ALCAM: variants seen among roughly 807,000 people sequenced by gnomAD.
ALCAM encodes the protein activated leukocyte cell adhesion molecule, also known as CD166 antigen.
ALCAM carries 30 observed loss-of-function variants against 70.9 expected under a neutral mutation model. That is an observed-to-expected ratio of 0.42 (90% CI 0.32 to 0.57). ALCAM has a LOEUF of 0.57. Ranked by LOEUF, ALCAM falls within the 20% of genes least tolerant of loss-of-function variation. ALCAM has a pLI of 0.11. For missense variants in ALCAM, 591 were observed against 695.1 expected (o/e 0.85, Z 1.68); for synonymous variants, 249 against 242.5 (o/e 1.03, Z -0.25).
At chr3:105,388,522 G>A (rs114795502) in intron 1 of ALCAM, among the ~76,000 whole-genome samples, 600 of 151,638 alleles carry the variant, frequency 4.0e-3, no homozygotes, top group African/African-American at 0.014. Flanking sequence ...ACTTAGTTTA[G>A]TATAAAAGGA....
At chr3:105,474,665 T>C (rs1325830645) in intron 1 of ALCAM, among the ~76,000 whole-genome samples, 1 of 151,638 alleles carries the variant, frequency 6.6e-6, no homozygotes, top group Admixed American at 6.6e-5. Context: ...TCAAGGGCAA[T>C]CTCTTTTTTT....
At chr3:105,428,350 C>T (rs984233368) in intron 1 of ALCAM, among the ~76,000 whole-genome samples, 2 of 151,946 alleles carry the variant, frequency 1.3e-5, no homozygotes, top group Non-Finnish European at 2.9e-5. Context: ...CTTTAATTTT[C>T]ACCCTTATAG....
intron 3 of ALCAM, among the ~76,000 whole-genome samples, chr3:105,528,952 T>G (rs905115587): frequency 6.6e-6 from 1 of 152,190 alleles, no homozygotes; most frequent in African/African-American, 2.4e-5. Flanking sequence ...TGGCACATAC[T>G]ACATGTTGCC....
chr3:105,370,359 A>C (rs1935195882), intron 1 of ALCAM, among the ~76,000 whole-genome samples: 1 of 152,174 alleles, frequency 6.6e-6, no homozygotes, highest in Admixed American at 6.5e-5. Context: ...TTAATGGAGC[A>C]TTATTTGCAG....
At chr3:105,515,077 A>G (rs1939345897) in intron 1 of ALCAM, among the ~76,000 whole-genome samples, 1 of 151,990 alleles carries the variant, frequency 6.6e-6, no homozygotes, top group Non-Finnish European at 1.5e-5. Context: ...GCACAAATGC[A>G]CACACAGAGA....
intron 1 of ALCAM, among the ~76,000 whole-genome samples, chr3:105,488,125 CT>C (rs754267658): frequency 3.3e-5 from 5 of 152,130 alleles, no homozygotes; most frequent in Non-Finnish European, 7.4e-5. Flanking sequence ...TTTCCCAACC[CT>C]TGTTTTCCTG....
chr3:105,494,836 T>C (rs1362960080), intron 1 of ALCAM, among the ~76,000 whole-genome samples: 1 of 152,102 alleles, frequency 6.6e-6, no homozygotes, highest in Non-Finnish European at 1.5e-5. Context: ...ATCTTTTCGT[T>C]TTTTTGTAGA....
intron 6 of ALCAM, among the ~76,000 whole-genome samples, chr3:105,539,445 C>T (rs1004961677): frequency 1.3e-5 from 2 of 152,032 alleles, no homozygotes. Flanking sequence ...TCCCTCAGTT[C>T]ATAGGATTCA....
chr3:105,440,314 A>G (rs1490528238), intron 1 of ALCAM, among the ~76,000 whole-genome samples: 1 of 152,230 alleles, frequency 6.6e-6, no homozygotes, highest in Non-Finnish European at 1.5e-5. Context: ...TAACAAAGAA[A>G]GCATTGGTTG....
chr3:105,427,590 C>T (rs936519594), intron 1 of ALCAM, among the ~76,000 whole-genome samples: 1 of 151,820 alleles, frequency 6.6e-6, no homozygotes, highest in Non-Finnish European at 1.5e-5. Context: ...CTACCCACCC[C>T]CTCCCCTCAT....
At position 105,520,123 on chromosome 3, in the gene ALCAM, C is replaced by T; in HGVS notation, c.130C>T (p.Arg44Ter). Reference protein sequence around the residue: ...AYGDTIIIPCRLDVPQNLMFG... With the variant: ...AYGDTIIIPC ...TGGAGATACCATTATCATACCTTGC[C>T]GACTTGACGTACCTCAGAATCTCAT... The change falls in exon 2 of 16, where the codon CGA becomes TGA. Residue 44 changes from arginine to a stop codon, truncating the protein, a stop_gained. Transcript: ENST00000306107. LOFTEE classifies it high-confidence loss of function. 1.2e-6 allele frequency: 2 copies of T among 1,612,962 alleles called. No homozygotes were observed. Among genetic ancestry groups the T allele is most frequent in the Non-Finnish European group, 1.7e-6 (2 of 1,179,428 alleles).
rs1272105774 is a variant in ALCAM, at chr3:105,547,447, T to C, written c.1298T>C (p.Ile433Thr). ...GATCCCAGTGGACTATCTAAAACAATAATCTGCCATGTGGAAGGTTTTCCA... is the reference window on the plus strand; with the variant it reads ...GATCCCAGTGGACTATCTAAAACAACAATCTGCCATGTGGAAGGTTTTCCA... Reference protein sequence around the residue: ...KTDPSGLSKTIICHVEGFPKP... With the variant: ...KTDPSGLSKTTICHVEGFPKP... The change falls in exon 11 of 16, where the codon ATA becomes ACA. Residue 433 changes from isoleucine (I) to threonine (T), a missense_variant. Physicochemically the swap from Ile to Thr is moderately conservative, Grantham distance 89. Coordinates refer to ENST00000306107, the MANE Select transcript of ALCAM (RefSeq NM_001627.4). 1 of 1,610,626 alleles carries C rather than the reference T, an allele frequency of 6.2e-7. No individual in the cohort carries two copies. Among genetic ancestry groups the C allele is most frequent in the Non-Finnish European group, 8.5e-7 (1 of 1,177,752 alleles).
At chr3:105,387,351 C>A (rs868265455) in intron 1 of ALCAM, among the ~76,000 whole-genome samples, 18 of 151,152 alleles carry the variant, frequency 1.2e-4, no homozygotes, top group African/African-American at 4.1e-4. Flanking sequence ...TTTACTTTGC[C>A]TTCTGGAAAT....
At chr3:105,478,325 T>C (rs1436835174) in intron 1 of ALCAM, among the ~76,000 whole-genome samples, 1 of 152,142 alleles carries the variant, frequency 6.6e-6, no homozygotes, top group Middle Eastern at 3.2e-3. Flanking sequence ...TTCATGCATA[T>C]ATGATTTGAG....
chr3:105,515,684 A>G (rs1939363369), intron 1 of ALCAM, among the ~76,000 whole-genome samples: 1 of 151,958 alleles, frequency 6.6e-6, no homozygotes. Context: ...ACAGCAAAGC[A>G]CTCTCACGAT....
intron 7 of ALCAM, among the ~76,000 whole-genome samples, chr3:105,540,721 C>T (rs887635592): frequency 6.6e-6 from 1 of 151,982 alleles, no homozygotes; most frequent in South Asian, 2.1e-4. Flanking sequence ...TGTTTGCTCT[C>T]GCATATCTTT....
intron 14 of ALCAM, among the ~76,000 whole-genome samples, chr3:105,568,063 ATT>A (rs71111369): frequency 0.4 from 46,651 of 116,152 alleles, 8,514 homozygotes; most frequent in East Asian, 0.58. Flanking sequence ...ATTTTATTTT[ATT>A]TTTTTTTTTT....
At chr3:105,465,972 T>C (rs1040108068) in intron 1 of ALCAM, among the ~76,000 whole-genome samples, 1 of 151,490 alleles carries the variant, frequency 6.6e-6, no homozygotes, top group East Asian at 1.9e-4. Flanking sequence ...CTAACAGTGA[T>C]GCTGGTTTCT....
At chr3:105,437,585 G>C (rs1342356189) in intron 1 of ALCAM, among the ~76,000 whole-genome samples, 1 of 152,034 alleles carries the variant, frequency 6.6e-6, no homozygotes, top group African/African-American at 2.4e-5. Flanking sequence ...ATAGATGGTA[G>C]GGAAATCCAA....
Sources: gnomAD v4.1 joint callset for allele counts (sites outside exome capture counted in the v4.1 genomes callset) on GRCh38, gnomAD v4.1.1 for gene constraint, MANE v1.5 for transcripts, NCBI Gene and HGNC (gene_info 2026-07-23, HGNC 2026-07-21) for gene names.